Variants in ENOX2 observed in about 807,000 individuals in gnomAD.
ENOX2 encodes ecto-NOX disulfide-thiol exchanger 2.
Under a neutral mutation model 45.0 loss-of-function variants are expected in ENOX2, and 36 were observed. The observed-to-expected ratio is 0.80, with a 90% CI of 0.61 to 1.06. The LOEUF (loss-of-function observed/expected upper bound fraction) is 1.06. ENOX2 is among the 50% of genes least tolerant of loss of function. The probability of loss-of-function intolerance (pLI) is 0.00; values close to 1 mark genes in which losing one functional copy is unlikely to be tolerated. For missense variants in ENOX2, 423 were observed against 462.5 expected, an observed-to-expected ratio of 0.91 and a Z score of 0.78; for synonymous variants, 174 against 152.3, an observed-to-expected ratio of 1.14 and a Z score of -1.05.
At chrX:130,648,934 A>G (rs2036320208) in intron 10 of ENOX2, among the ~76,000 whole-genome samples, 1 of 105,444 alleles carries the variant, frequency 9.5e-6, no homozygotes, top group Non-Finnish European at 1.9e-5. Context: ...AATCCCAGCT[A>G]CTCGGGAGGC....
chrX:130,884,650 T>C (rs1013630776), intron 2 of ENOX2, among the ~76,000 whole-genome samples: 5 of 111,164 alleles, frequency 4.5e-5, no homozygotes, highest in African/African-American at 6.6e-5. Flanking sequence ...AAAAAGCATT[T>C]TTTCCCTTAA....
chrX:130,650,813 C>T (rs748501998), intron 10 of ENOX2, among the ~76,000 whole-genome samples: 1 of 111,611 alleles, frequency 9.0e-6, no homozygotes. Context: ...GAGCCACTAA[C>T]AGCAAAATCC....
intron 3 of ENOX2, among the ~76,000 whole-genome samples, chrX:130,766,571 G>A (rs2039623216): frequency 9.0e-6 from 1 of 110,890 alleles, no homozygotes; most frequent in Non-Finnish European, 1.9e-5. Context: ...TAAAAGTTTT[G>A]GAATTCTGTT....
intron 2 of ENOX2, among the ~76,000 whole-genome samples, chrX:130,898,284 A>C (rs1463065305): frequency 8.9e-6 from 1 of 112,583 alleles, no homozygotes; most frequent in Non-Finnish European, 1.9e-5. Flanking sequence ...CTGGGATTAC[A>C]GGTGTTAAGC....
At chrX:130,632,023 T>C (rs1396893214) in intron 12 of ENOX2, among the ~76,000 whole-genome samples, 2 of 110,986 alleles carry the variant, frequency 1.8e-5, no homozygotes, top group African/African-American at 6.6e-5. Context: ...AGGACCATTG[T>C]TTTTTTAAAA....
In ENOX2 at chrX:130,725,294, A is replaced by G. The variant is rs1012728069; in HGVS notation, c.-38-22040T>C. ...ATCTATTGCTTTTCCAGTCCTTGCAATAATTGAGTCGAGCATGGATAGCTG... is the reference window on the plus strand; with the variant it reads ...ATCTATTGCTTTTCCAGTCCTTGCAGTAATTGAGTCGAGCATGGATAGCTG... On this transcript the variant is annotated intron_variant, in intron 3 of 14. Coordinates refer to ENST00000394363, the MANE Select transcript of ENOX2 (RefSeq NM_006375.4). Among the ~76,000 whole-genome samples the G allele has an allele frequency of 4.6e-5, 5 of 107,608 alleles. No homozygotes were observed. The Admixed American group carries it at 5.0e-4, about 11-fold the overall frequency. The allele number at this position is 107,608 out of a possible 115,157, so 93.4% of individuals were successfully genotyped here.
Position 130,629,970 on chromosome X carries a change from C to T in ENOX2, c.1528+1498G>A, listed in dbSNP as rs185779864. Among the ~76,000 whole-genome samples the T allele has an allele frequency of 6.2e-4, 70 of 112,229 alleles. 1 individual carries two copies. Among genetic ancestry groups the T allele is most frequent in the Non-Finnish European group, 1.1e-3 (60 of 53,235 alleles). On this transcript the variant is annotated intron_variant, in intron 13 of 14. Transcript: ENST00000394363. ...GGCTTACTATGGGCCAGGCACTATG[C>T]TAAGTGATTTAGGTGAGTTATCGTA...
intron 2 of ENOX2, among the ~76,000 whole-genome samples, chrX:130,839,912 T>C (rs1043868944): frequency 2.2e-4 from 25 of 111,816 alleles, no homozygotes; most frequent in Non-Finnish European, 4.5e-4. Context: ...AGGTAATGCC[T>C]TTTTGCCTCT....
chrX:130,902,366 TA>T (rs1321812533), intron 1 of ENOX2, among the ~76,000 whole-genome samples: 1 of 110,862 alleles, frequency 9.0e-6, no homozygotes, highest in Non-Finnish European at 1.9e-5. Context: ...CACTGAACCT[TA>T]AACACACATT....
At position 130,703,305 on chromosome X, in the gene ENOX2, C is replaced by T. The variant is rs374589859; in HGVS notation, c.-38-51G>A. The T allele has an allele frequency of 9.9e-6, 11 of 1,107,004 alleles. No individual in the cohort carries two copies. In the Admixed American group the frequency reaches 1.3e-4, roughly 13 times the overall value. 91.2% of individuals were successfully genotyped at this position (1,107,004 alleles called of 1,213,427 possible). A position where few individuals can be genotyped will look rare whatever the true frequency, so the allele number is the denominator to read the frequency against. On this transcript the variant is annotated intron_variant, in intron 3 of 14. Coordinates refer to ENST00000394363, the MANE Select transcript of ENOX2 (RefSeq NM_006375.4). ...ATTTGTTGTGTTAAGGTTCTAGCAA[C>T]TAGTTTACTTATAAACATAAATTCT...
intron 10 of ENOX2, among the ~76,000 whole-genome samples, chrX:130,655,322 T>C (rs2036517847): frequency 8.9e-6 from 1 of 112,004 alleles, no homozygotes; most frequent in Non-Finnish European, 1.9e-5. Flanking sequence ...CTAATAAATA[T>C]CTTTTTCAAA....
In ENOX2 at chrX:130,670,187, G is replaced by A. The variant is rs2036945280; in HGVS notation, c.472C>T (p.Arg158Cys). ...TTCTTGTCAGTACTAGAGCCCAGGC[G>A]AATGCGGTAACCTAAGTCCACAGGA... ...KALYLSGYRI[R>C]LGSSTDKKDT... The change falls in exon 7 of 15, where the codon CGC (arginine) becomes TGC (cysteine). Residue 158 changes from arginine (R) to cysteine (C), a missense_variant. Transcript: ENST00000394363. 8.3e-7 allele frequency: 1 copy of A among 1,204,232 alleles called. No homozygotes were observed. The highest frequency in any genetic ancestry group is 3.0e-5 in the East Asian group (1 of 33,795).
chrX:130,656,446 T>A, intron 10 of ENOX2, 135 bp downstream of exon 10: 1 of 453,893 alleles, frequency 2.2e-6, no homozygotes, highest in South Asian at 3.5e-5. Flanking sequence ...TGTACACATA[T>A]GGCCTTGCCA....
intron 10 of ENOX2, among the ~76,000 whole-genome samples, chrX:130,641,108 A>G (rs1410249459): frequency 1.8e-5 from 2 of 111,393 alleles, no homozygotes; most frequent in African/African-American, 6.5e-5. Context: ...CAAACCATAG[A>G]TCCAGGAAGT....
In ENOX2 at chrX:130,631,543, G is replaced by A; in HGVS notation, c.1453C>T (p.Gln485Ter). Residue 485 changes from glutamine to a stop codon, truncating the protein, a stop_gained, in exon 13 of 15, where the codon CAG becomes TAG. Transcript: ENST00000394363. LOFTEE classifies it high-confidence loss of function. ...TTCTCAAGAGGGTATTCGCTATCCT[G>A]GTTTGAGGCACACAGCCTAGAAGCA... is the stretch of plus-strand genomic sequence containing the variant. ...SCASRLCASN[Q>*]DSEYPLEKTM... 1 of 1,201,060 alleles carries A rather than the reference G, an allele frequency of 8.3e-7. No homozygotes were observed. The highest frequency in any genetic ancestry group is 1.1e-6 in the Non-Finnish European group (1 of 885,828).
chrX:130,901,883 T>G (rs138563873), intron 1 of ENOX2, among the ~76,000 whole-genome samples, 152 bp from the exon 2 acceptor site: 1 of 112,090 alleles, frequency 8.9e-6, no homozygotes, highest in African/African-American at 3.3e-5. Flanking sequence ...ATATTTGTGC[T>G]GATATCTTTT....
chrX:130,796,248 T>C (rs1023245163), intron 2 of ENOX2, among the ~76,000 whole-genome samples: 1 of 111,628 alleles, frequency 9.0e-6, no homozygotes, highest in Admixed American at 9.5e-5. Context: ...TATAATTGGA[T>C]CTGGGAGTTG....
chrX:130,785,555 T>C (rs2148400901), intron 2 of ENOX2, among the ~76,000 whole-genome samples: 1 of 111,298 alleles, frequency 9.0e-6, no homozygotes, highest in Admixed American at 9.5e-5. Flanking sequence ...AACTGTTCAC[T>C]GCATCATATA....
chrX:130,637,158 A>C (rs545703913), intron 11 of ENOX2, 71 bp downstream of exon 11: 1 of 837,963 alleles, frequency 1.2e-6, no homozygotes, highest in South Asian at 2.1e-5. Flanking sequence ...ATTTGATTGC[A>C]GGGGACCCTT....
Sources: allele counts gnomAD v4.1 joint callset (sites outside exome capture counted in the v4.1 genomes callset), GRCh38; gene constraint gnomAD v4.1.1; transcripts MANE v1.5; gene names NCBI Gene and HGNC (gene_info 2026-07-23, HGNC 2026-07-21).